The following DLGAP2 variants were observed in gnomAD, a reference collection of about 807,000 sequenced individuals.
DLGAP2 encodes disks large-associated protein 2.
Under a neutral mutation model 100.3 loss-of-function variants are expected in DLGAP2, and 26 were observed. That is an observed-to-expected ratio of 0.26 (90% CI 0.19 to 0.36). The LOEUF is 0.36. Among genes scored for constraint, DLGAP2 ranks in the 10% least tolerant of loss-of-function variants. The probability of loss-of-function intolerance (pLI) is 1.00; values close to 1 mark genes in which losing one functional copy is unlikely to be tolerated. For synonymous variants in DLGAP2, 886 were observed against 630.1 expected, an observed-to-expected ratio of 1.41 and a Z score of -6.08; for missense variants, 1,858 against 1,453.2, an observed-to-expected ratio of 1.28 and a Z score of -4.53.
At chr8:775,546 G>A in intron 1 of DLGAP2, among the ~76,000 whole-genome samples, 3 of 123,470 alleles carry the variant, frequency 2.4e-5, no homozygotes, top group South Asian at 3.1e-4. Flanking sequence ...TTTATTGAGA[G>A]TTTTTAGCAT....
At chr8:938,727 G>A (rs947179776) in intron 2 of DLGAP2, among the ~76,000 whole-genome samples, 1 of 152,214 alleles carries the variant, frequency 6.6e-6, no homozygotes, top group African/African-American at 2.4e-5. Flanking sequence ...TGGCCTGGCT[G>A]TGAGGTGGTG....
intron 1 of DLGAP2, among the ~76,000 whole-genome samples, chr8:896,575 C>T (rs1043459355): frequency 1.3e-5 from 2 of 152,052 alleles, no homozygotes; most frequent in African/African-American, 4.8e-5. Flanking sequence ...GAGGGTGGGG[C>T]CCTGGGGGGC....
At chr8:1,475,052 C>T (rs569469182) in intron 3 of DLGAP2, among the ~76,000 whole-genome samples, 1 of 152,274 alleles carries the variant, frequency 6.6e-6, no homozygotes, top group African/African-American at 2.4e-5. Flanking sequence ...ACGCAGCCAT[C>T]AGGAAGAATG....
intron 10 of DLGAP2, among the ~76,000 whole-genome samples, chr8:1,673,669 C>G (rs2130847193): frequency 6.6e-6 from 1 of 152,324 alleles, no homozygotes; most frequent in East Asian, 1.9e-4. Flanking sequence ...AGGCCTCAGG[C>G]TGAGAGTTTT....
chr8:887,461 A>C (rs1797945258), intron 1 of DLGAP2, among the ~76,000 whole-genome samples: 1 of 152,172 alleles, frequency 6.6e-6, no homozygotes. Context: ...CAGATTCTTC[A>C]TAGTGTCATT....
chr8:1,661,802 G>A (rs1798415058), intron 8 of DLGAP2, among the ~76,000 whole-genome samples: 2 of 152,218 alleles, frequency 1.3e-5, no homozygotes, highest in Non-Finnish European at 2.9e-5. Context: ...AGGAGGGTCA[G>A]TTTCTATGTT....
At chr8:788,317 G>A (rs1243384489) in intron 1 of DLGAP2, among the ~76,000 whole-genome samples, 1 of 152,194 alleles carries the variant, frequency 6.6e-6, no homozygotes, top group Non-Finnish European at 1.5e-5. Context: ...GCATTCAGTC[G>A]AGGCCTTGGC....
intron 3 of DLGAP2, among the ~76,000 whole-genome samples, chr8:1,330,100 T>G (rs934123774): frequency 1.3e-5 from 2 of 152,216 alleles, no homozygotes; most frequent in African/African-American, 4.8e-5. Flanking sequence ...TCGAGGTTTC[T>G]TTGTATCTTG....
At chr8:1,588,900 C>T (rs1176807456) in intron 6 of DLGAP2, among the ~76,000 whole-genome samples, 4 of 152,100 alleles carry the variant, frequency 2.6e-5, no homozygotes, top group African/African-American at 4.8e-5. Flanking sequence ...CCAACCTGGG[C>T]GACAGAGTGT....
At chr8:1,366,881 A>G (rs1191822720) in intron 3 of DLGAP2, among the ~76,000 whole-genome samples, 1 of 152,200 alleles carries the variant, frequency 6.6e-6, no homozygotes, top group Non-Finnish European at 1.5e-5. Context: ...TAACATTTAC[A>G]TGGCAACCCC....
At chr8:1,095,429 G>A (rs2129042418) in intron 2 of DLGAP2, among the ~76,000 whole-genome samples, 1 of 152,264 alleles carries the variant, frequency 6.6e-6, no homozygotes, top group South Asian at 2.1e-4. Context: ...CCTCCATCAG[G>A]GCTGCTTCCG....
At chr8:1,073,743 A>G (rs933742050) in intron 2 of DLGAP2, among the ~76,000 whole-genome samples, 1 of 152,242 alleles carries the variant, frequency 6.6e-6, no homozygotes, top group African/African-American at 2.4e-5. Flanking sequence ...CACGGCTCCC[A>G]TGCAGAAAGT....
chr8:1,510,416 C>A (rs1172825516), intron 4 of DLGAP2, among the ~76,000 whole-genome samples: 5 of 152,162 alleles, frequency 3.3e-5, no homozygotes, highest in Non-Finnish European at 5.9e-5. Flanking sequence ...CTCTGAAGAG[C>A]TGAGAAACGT....
chr8:826,786 C>T (rs1367495120), intron 1 of DLGAP2, among the ~76,000 whole-genome samples: 1 of 152,060 alleles, frequency 6.6e-6, no homozygotes, highest in Non-Finnish European at 1.5e-5. Flanking sequence ...TTCCTGTGTC[C>T]CAGCTACGTT....
intron 2 of DLGAP2, among the ~76,000 whole-genome samples, chr8:1,117,712 G>T (rs2129046991): frequency 6.6e-6 from 1 of 152,280 alleles, no homozygotes; most frequent in Non-Finnish European, 1.5e-5. Flanking sequence ...GGGGGAGGCG[G>T]CTGTTCTCCA....
At chr8:1,599,039 T>C (rs566019605) in intron 6 of DLGAP2, among the ~76,000 whole-genome samples, 1 of 152,364 alleles carries the variant, frequency 6.6e-6, no homozygotes, top group East Asian at 1.9e-4. Context: ...CTGCTTTAGC[T>C]GTGTCCCAGA....
At chr8:1,498,441 G>A (rs1475766063) in intron 3 of DLGAP2, among the ~76,000 whole-genome samples, 3 of 151,982 alleles carry the variant, frequency 2.0e-5, no homozygotes, top group Non-Finnish European at 2.9e-5. Flanking sequence ...TATCTGTCAC[G>A]TGATGTGCCC....
intron 2 of DLGAP2, among the ~76,000 whole-genome samples, chr8:1,202,046 CTA>C: frequency 7.8e-6 from 1 of 128,024 alleles, no homozygotes; most frequent in South Asian, 2.6e-4. Flanking sequence ...TGTGCAGTAT[CTA>C]TCTGTGTGAT....
At chr8:820,608 C>T (rs962407672) in intron 1 of DLGAP2, among the ~76,000 whole-genome samples, 1 of 152,038 alleles carries the variant, frequency 6.6e-6, no homozygotes, top group African/African-American at 2.4e-5. Flanking sequence ...TATTTTTTTC[C>T]ACCAGAGGCA....
Sources: allele counts gnomAD v4.1 joint callset (sites outside exome capture counted in the v4.1 genomes callset), GRCh38; gene constraint gnomAD v4.1.1; transcripts MANE v1.5; gene names NCBI Gene and HGNC (gene_info 2026-07-23, HGNC 2026-07-21).